CBLN2: variants seen among roughly 807,000 people sequenced by gnomAD.
The protein encoded by CBLN2 is cerebellin-2.
A neutral mutation model predicts 15.0 loss-of-function variants in CBLN2; 7 were observed. The ratio of observed to expected loss-of-function variants is 0.47; its 90% CI spans 0.27 to 0.88. The LOEUF (loss-of-function observed/expected upper bound fraction) is 0.88, where lower values mean the gene tolerates loss of function less well. Ranked by LOEUF, CBLN2 falls within the 40% of genes least tolerant of loss-of-function variation. The pLI is 0.14. For missense variants in CBLN2, 242 were observed against 304.5 expected (o/e 0.79, Z 1.53); for synonymous variants, 149 against 135.2 (o/e 1.10, Z -0.71).
chr18:72,581,445 T>C (rs1018972116), intron 1 of CBLN2, among the ~76,000 whole-genome samples: 1 of 152,352 alleles, frequency 6.6e-6, no homozygotes, highest in African/African-American at 2.4e-5. Flanking sequence ...ATTTTATTAC[T>C]GTTTAATTTG....
chr18:72,630,547 C>CCCCA (rs1555673844), intron 1 of CBLN2, among the ~76,000 whole-genome samples: 6 of 106,846 alleles, frequency 5.6e-5, no homozygotes, highest in African/African-American at 2.8e-4. Context: ...ACCCTCCCCC[C>CCCCA]CACACACACA....
chr18:72,618,625 C>T (rs1443083712), intron 1 of CBLN2: 3 of 970,368 alleles, frequency 3.1e-6, no homozygotes, highest in Non-Finnish European at 4.8e-6. Flanking sequence ...AGAACATCAC[C>T]TAAGAGATTA....
intron 1 of CBLN2, among the ~76,000 whole-genome samples, chr18:72,552,296 C>A (rs2144882775): frequency 6.6e-6 from 1 of 152,080 alleles, no homozygotes; most frequent in South Asian, 2.1e-4. Context: ...GTTGATCAGG[C>A]TGATCTCGAA....
At chr18:72,593,287 T>A (rs981362502) in intron 1 of CBLN2, among the ~76,000 whole-genome samples, 1 of 152,152 alleles carries the variant, frequency 6.6e-6, no homozygotes, top group African/African-American at 2.4e-5. Flanking sequence ...ATGGGATTAC[T>A]TTCTTGATTT....
At chr18:72,581,862 T>A (rs984024564) in intron 1 of CBLN2, among the ~76,000 whole-genome samples, 3 of 152,214 alleles carry the variant, frequency 2.0e-5, no homozygotes, top group Non-Finnish European at 2.9e-5. Context: ...GATTAGTTCG[T>A]ATATGTTTGT....
chr18:72,588,042 A>G (rs1162601890), intron 1 of CBLN2, among the ~76,000 whole-genome samples: 1 of 152,196 alleles, frequency 6.6e-6, no homozygotes, highest in Non-Finnish European at 1.5e-5. Flanking sequence ...AGGGTTTATA[A>G]ATCGCTATTA....
At chr18:72,572,835 A>G (rs941430503) in intron 1 of CBLN2, among the ~76,000 whole-genome samples, 3 of 152,064 alleles carry the variant, frequency 2.0e-5, no homozygotes, top group Non-Finnish European at 2.9e-5. Flanking sequence ...GACACAAAAA[A>G]TGATTGTTAT....
chr18:72,598,107 G>A (rs549663384), intron 1 of CBLN2, among the ~76,000 whole-genome samples: 14 of 152,256 alleles, frequency 9.2e-5, no homozygotes, highest in Non-Finnish European at 2.1e-4. Flanking sequence ...TCCTAAAGCA[G>A]AAATAGTCTT....
intron 3 of CBLN2, among the ~76,000 whole-genome samples, chr18:72,540,632 A>G (rs1366669599): frequency 1.3e-5 from 2 of 152,206 alleles, no homozygotes; most frequent in African/African-American, 2.4e-5. Flanking sequence ...ATAATTTTAC[A>G]TTTTGTAAAT....
At chr18:72,584,757 A>G (rs951891026) in intron 1 of CBLN2, among the ~76,000 whole-genome samples, 2 of 152,254 alleles carry the variant, frequency 1.3e-5, no homozygotes, top group African/African-American at 4.8e-5. Flanking sequence ...AAGATTGAAT[A>G]TATAAACCTT....
At chr18:72,541,763 C>G in intron 3 of CBLN2, 41 bp downstream of exon 3, 12 of 1,482,862 alleles carry the variant, frequency 8.1e-6, no homozygotes, top group Non-Finnish European at 1.1e-5. Context: ...CCCCGCCCCT[C>G]TCCCCGGGCT....
At chr18:72,572,570 C>A (rs1403323199) in intron 1 of CBLN2, among the ~76,000 whole-genome samples, 1 of 152,086 alleles carries the variant, frequency 6.6e-6, no homozygotes, top group African/African-American at 2.4e-5. Flanking sequence ...TTGATTTTAA[C>A]TTGAATTATC....
chr18:72,574,238 T>C (rs902656792), intron 1 of CBLN2, among the ~76,000 whole-genome samples: 3 of 152,248 alleles, frequency 2.0e-5, no homozygotes, highest in Non-Finnish European at 4.4e-5. Flanking sequence ...GGTCTTTCTT[T>C]ATGTTCTCTT....
intron 1 of CBLN2, among the ~76,000 whole-genome samples, chr18:72,632,905 C>T (rs8093836): frequency 0.98 from 149,083 of 152,276 alleles, 73,053 homozygotes; most frequent in East Asian, 1. Context: ...AGGTCCCACA[C>T]CCCTGGTAAT....
intron 1 of CBLN2, among the ~76,000 whole-genome samples, chr18:72,593,276 A>T (rs2069492167): frequency 6.6e-6 from 1 of 151,890 alleles, no homozygotes; most frequent in South Asian, 2.1e-4. Flanking sequence ...AGCTATTATA[A>T]ATGGGATTAC....
At chr18:72,622,009 T>C (rs555059999) in intron 1 of CBLN2, among the ~76,000 whole-genome samples, 1 of 152,332 alleles carries the variant, frequency 6.6e-6, no homozygotes, top group South Asian at 2.1e-4. Flanking sequence ...CTGTGGGTTT[T>C]GTTTGTGGTA....
At chr18:72,618,532 G>A in intron 1 of CBLN2, 2 of 706,382 alleles carry the variant, frequency 2.8e-6, no homozygotes, top group South Asian at 2.7e-5. Context: ...CCAAAAAGCT[G>A]TCTCAAGAAA....
At chr18:72,624,247 C>A (rs2069719771) in intron 1 of CBLN2, among the ~76,000 whole-genome samples, 1 of 151,840 alleles carries the variant, frequency 6.6e-6, no homozygotes, top group South Asian at 2.1e-4. Context: ...AAAGGACCAT[C>A]CTGCCCTTGC....
At chr18:72,633,385 C>T (rs1285820285) in intron 1 of CBLN2, among the ~76,000 whole-genome samples, 1 of 152,160 alleles carries the variant, frequency 6.6e-6, no homozygotes, top group African/African-American at 2.4e-5. Flanking sequence ...TCACCACTTT[C>T]CCAAGACACG....
Sources: gnomAD v4.1 joint callset for allele counts (sites outside exome capture counted in the v4.1 genomes callset) on GRCh38, gnomAD v4.1.1 for gene constraint, MANE v1.5 for transcripts, NCBI Gene and HGNC (gene_info 2026-07-23, HGNC 2026-07-21) for gene names.